Variants in ESCO1 observed in about 807,000 individuals in gnomAD.
ESCO1 encodes the protein establishment of sister chromatid cohesion N-acetyltransferase 1, also known as N-acetyltransferase ESCO1.
A neutral mutation model predicts 83.5 loss-of-function variants in ESCO1; 33 were observed. That is an observed-to-expected ratio of 0.40 (90% confidence interval 0.30 to 0.53). The LOEUF (loss-of-function observed/expected upper bound fraction) is 0.53, where lower values mean the gene tolerates loss of function less well. Ranked by LOEUF, ESCO1 falls within the 20% of genes least tolerant of loss-of-function variation. The probability of loss-of-function intolerance (pLI) is 0.63; values close to 1 mark genes in which losing one functional copy is unlikely to be tolerated. For synonymous variants in ESCO1, 332 were observed against 324.3 expected, an observed-to-expected ratio of 1.02 and a Z score of -0.25; for missense variants, 855 against 968.0, an observed-to-expected ratio of 0.88 and a Z score of 1.55.
At chr18:21,600,474 G>A (rs2038829077) in intron 1 of ESCO1, 149 bp downstream of exon 1, 1 of 152,498 alleles carries the variant, frequency 6.6e-6, no homozygotes, top group Non-Finnish European at 1.5e-5. Flanking sequence ...GGCGCGAAGA[G>A]CTGGGACCGG....
chr18:21,567,134 A>AT (rs2038272837), intron 5 of ESCO1, among the ~76,000 whole-genome samples: 1 of 152,008 alleles, frequency 6.6e-6, no homozygotes, highest in Non-Finnish European at 1.5e-5. Context: ...CCAAATCCTC[A>AT]TCCAACAGTT....
At position 21,536,170 on chromosome 18, in the gene ESCO1, C is replaced by G; in HGVS notation, c.2059G>C (p.Glu687Gln). The change falls in exon 10 of 12, where the codon GAG becomes CAG. Residue 687 changes from glutamate (E) to glutamine (Q), a missense_variant. Coordinates refer to ENST00000269214, the MANE Select transcript of ESCO1 (RefSeq NM_052911.3). ...YALKKVDEIR[E>Q]MVDNDLGFQQ... ...AAACCTAAATCATTGTCAACCATCT[C>G]TCTAATCTCGTCAACCTGCCAAATA... The G allele has an allele frequency of 6.2e-7, 1 of 1,612,374 alleles. No individual in the cohort carries two copies.
At chr18:21,582,449 T>C (rs977256806) in intron 2 of ESCO1, among the ~76,000 whole-genome samples, 12 of 152,136 alleles carry the variant, frequency 7.9e-5, no homozygotes, top group Non-Finnish European at 1.5e-4. Flanking sequence ...CAGGCTGGTC[T>C]TGAACTCCTG....
At chr18:21,581,730 A>G (rs755277170) in intron 2 of ESCO1, among the ~76,000 whole-genome samples, 5 of 152,170 alleles carry the variant, frequency 3.3e-5, no homozygotes, top group African/African-American at 2.4e-5. Context: ...TAGATTACTC[A>G]ACAATTGCTG....
chr18:21,558,361 CAGA>C (rs1451021856), intron 8 of ESCO1, among the ~76,000 whole-genome samples: 1 of 151,992 alleles, frequency 6.6e-6, no homozygotes, highest in East Asian at 1.9e-4. Flanking sequence ...CAATTGTTAT[CAGA>C]TTATTAATCT....
chr18:21,565,829 A>G (rs893949939), intron 6 of ESCO1, among the ~76,000 whole-genome samples: 2 of 152,028 alleles, frequency 1.3e-5, no homozygotes, highest in African/African-American at 4.8e-5. Context: ...TCCTAGCTAC[A>G]TGGGAGGCTG....
chr18:21,592,696 C>T (rs1461545230), intron 1 of ESCO1, among the ~76,000 whole-genome samples: 7 of 148,758 alleles, frequency 4.7e-5, no homozygotes, highest in African/African-American at 1.0e-4. Context: ...CGGGCGGAGA[C>T]GCTCCTCACT....
chr18:21,569,866 C>T (rs1209192163), intron 4 of ESCO1, among the ~76,000 whole-genome samples: 5 of 152,062 alleles, frequency 3.3e-5, no homozygotes, highest in East Asian at 1.9e-4. Flanking sequence ...GAAAAAAATA[C>T]TCCAAACTCC....
At chr18:21,586,222 C>T (rs2038574075) in intron 1 of ESCO1, among the ~76,000 whole-genome samples, 2 of 152,218 alleles carry the variant, frequency 1.3e-5, no homozygotes, top group South Asian at 4.1e-4. Flanking sequence ...CACTATGCTA[C>T]TCTCTACCTC....
At position 21,550,763 on chromosome 18, in the gene ESCO1, G is replaced by A. The variant is rs185292246; in HGVS notation, c.1953+10096C>T. Among the ~76,000 whole-genome samples the A allele has an allele frequency of 2.5e-4, 38 of 152,300 alleles. No homozygotes were observed. The East Asian group carries it at 6.9e-3, about 28-fold the overall frequency. ...GAGTTCTGCTCCCATTTAGGATAAA[G>A]GAGGTCACAAAAGATCACTGTAACT... On this transcript the variant is annotated intron_variant, in intron 8 of 11. Transcript: ENST00000269214.
intron 8 of ESCO1, among the ~76,000 whole-genome samples, chr18:21,553,859 T>A (rs2038078155): frequency 1.4e-5 from 2 of 140,374 alleles, no homozygotes; most frequent in African/African-American, 2.6e-5. Context: ...AAGGAAACTC[T>A]GTCAAAAAAA....
At chr18:21,564,001 C>G (rs1012511871) in intron 7 of ESCO1, among the ~76,000 whole-genome samples, 1 of 152,004 alleles carries the variant, frequency 6.6e-6, no homozygotes, top group African/African-American at 2.4e-5. Context: ...TGCACATGAG[C>G]TCACTCCCTT....
At chr18:21,559,195 A>T (rs2038151681) in intron 8 of ESCO1, among the ~76,000 whole-genome samples, 1 of 152,230 alleles carries the variant, frequency 6.6e-6, no homozygotes, top group Non-Finnish European at 1.5e-5. Flanking sequence ...TGATAACAGC[A>T]AAGAATGGCC....
chr18:21,568,183 A>G, intron 4 of ESCO1, 89 bp from the exon 5 acceptor site: 1 of 953,502 alleles, frequency 1.0e-6, no homozygotes, highest in Non-Finnish European at 1.6e-6. Context: ...AAAAAAATTT[A>G]ACATACTTTT....
At position 21,574,253 on chromosome 18, in the gene ESCO1, T is replaced by G; in HGVS notation, c.591A>C (p.Val197=). 6 of 1,613,884 alleles carry G rather than the reference T, an allele frequency of 3.7e-6. No individual in the cohort carries two copies. Among genetic ancestry groups the G allele is most frequent in the Non-Finnish European group, 4.2e-6 (5 of 1,180,002 alleles). The change falls in exon 4 of 12, where the codon GTA becomes GTC. Residue 197 remains valine (V), a synonymous_variant. Transcript: ENST00000269214. The part of the protein sequence containing the change: ...KEDENLVINE[V]INSPKGKKRK... ...GTTTTTTCCCTTTGGGAGAATTTAT[T>G]ACTTCATTAATTACTAGATTTTCAT...
chr18:21,556,944 AC>A (rs1168247784), intron 8 of ESCO1, among the ~76,000 whole-genome samples: 1 of 151,398 alleles, frequency 6.6e-6, no homozygotes, highest in Non-Finnish European at 1.5e-5. Flanking sequence ...CAAGTGATCC[AC>A]CCCCTCGGCA....
At chr18:21,576,433 T>C (rs919553759) in intron 2 of ESCO1, among the ~76,000 whole-genome samples, 5 of 151,960 alleles carry the variant, frequency 3.3e-5, no homozygotes, top group African/African-American at 1.2e-4. Flanking sequence ...AGCCTAGGAG[T>C]TGAAGGTTGC....
At chr18:21,537,871 G>C (rs965437807) in intron 9 of ESCO1, among the ~76,000 whole-genome samples, 1 of 151,880 alleles carries the variant, frequency 6.6e-6, no homozygotes, top group South Asian at 2.1e-4. Context: ...GTTGACCCTC[G>C]AACAACAAAA....
chr18:21,564,068 G>T, intron 7 of ESCO1, 135 bp downstream of exon 7: 1 of 623,956 alleles, frequency 1.6e-6, no homozygotes, highest in Non-Finnish European at 2.8e-6. Context: ...GCAGATGTCA[G>T]GCCATAGAAC....
Sources: allele counts gnomAD v4.1 joint callset (sites outside exome capture counted in the v4.1 genomes callset), GRCh38; gene constraint gnomAD v4.1.1; transcripts MANE v1.5; gene names NCBI Gene and HGNC (gene_info 2026-07-23, HGNC 2026-07-21).